DISC1: variants seen among roughly 807,000 people sequenced by gnomAD.
DISC1 encodes the protein disrupted in schizophrenia 1 protein.
DISC1 carries 57 observed loss-of-function variants against 84.5 expected under a neutral mutation model. The ratio of observed to expected loss-of-function variants is 0.67; its 90% CI spans 0.55 to 0.84. The LOEUF (loss-of-function observed/expected upper bound fraction) is 0.84, where lower values mean the gene tolerates loss of function less well. Among genes scored for constraint, DISC1 ranks in the 40% least tolerant of loss-of-function variants. The pLI, the probability that DISC1 is intolerant of heterozygous loss-of-function variation, is 0.00. For synonymous variants in DISC1, 411 were observed against 415.2 expected (o/e 0.99, Z 0.12); for missense variants, 1,000 against 1,057.8 (o/e 0.95, Z 0.76).
chr1:231,872,262 T>G (rs1274180339), intron 9 of DISC1, among the ~76,000 whole-genome samples: 9 of 152,260 alleles, frequency 5.9e-5, no homozygotes, highest in Non-Finnish European at 1.0e-4. Context: ...ATTCTTTGTT[T>G]TTTTAATCTC....
chr1:231,889,892 T>A (rs2087073637), intron 9 of DISC1, among the ~76,000 whole-genome samples: 1 of 152,182 alleles, frequency 6.6e-6, no homozygotes, highest in African/African-American at 2.4e-5. Flanking sequence ...AAAATTACCT[T>A]CACAAAAGCC....
rs76959049 is a variant in DISC1, at chr1:231,823,241, A to G, written c.1981+4724A>G. On this transcript the variant is annotated intron_variant, in intron 9 of 12. Transcript: ENST00000439617. The stretch of plus-strand genomic sequence containing the variant: ...TGTCAGATATATGTAGAAGAAACTG[A>G]TGAAAAAGTAGAACAAAAGAATAAA... 3.3e-5 allele frequency among the ~76,000 whole-genome samples: 5 copies of G among 150,974 alleles called. No homozygotes were observed. In the South Asian group the frequency reaches 8.4e-4, roughly 25 times the overall value.
rs1221454134 is a variant in DISC1 at position 231,880,019 on chromosome 1, TC to T, written c.1981+61506del. Among the ~76,000 whole-genome samples, 4 of 152,160 alleles carry T rather than the reference TC, an allele frequency of 2.6e-5. No individual in the cohort carries two copies. In the East Asian group the frequency reaches 7.7e-4, roughly 29 times the overall value. On this transcript the variant is annotated intron_variant, in intron 9 of 12. Transcript: ENST00000439617. The stretch of plus-strand genomic sequence containing the variant: ...TTCCAAAACTCATGTTGAAATTTAA[TC>T]CCCAATGTGGCAGTATTGAGAGCTG...
intron 3 of DISC1, chr1:231,722,428 G>A (rs900525024): frequency 2.6e-6 from 4 of 1,545,716 alleles, no homozygotes; most frequent in Middle Eastern, 1.7e-4. Flanking sequence ...ATCCACACTC[G>A]AACAAGTGTG....
chr1:231,905,181 C>G (rs1186975469), intron 9 of DISC1, among the ~76,000 whole-genome samples: 2 of 152,232 alleles, frequency 1.3e-5, no homozygotes, highest in Non-Finnish European at 2.9e-5. Context: ...GCTACAAGAG[C>G]ACCATGACAT....
intron 9 of DISC1, among the ~76,000 whole-genome samples, chr1:231,840,706 T>TG (rs1413470776): frequency 9.2e-5 from 14 of 151,716 alleles, no homozygotes; most frequent in African/African-American, 2.9e-4. Context: ...GTTTTTTTTT[T>TG]TTTGTTGTTG....
At chr1:231,907,474 T>C (rs1413063023) in intron 9 of DISC1, among the ~76,000 whole-genome samples, 1 of 152,116 alleles carries the variant, frequency 6.6e-6, no homozygotes, top group Admixed American at 6.6e-5. Context: ...GCTTCATCCA[T>C]TTCCCTACAA....
intron 9 of DISC1, among the ~76,000 whole-genome samples, chr1:231,830,260 A>AT (rs1291089816): frequency 6.6e-6 from 1 of 152,206 alleles, no homozygotes; most frequent in East Asian, 1.9e-4. Flanking sequence ...CTGAAGGAAG[A>AT]TTTTGTGGTA....
intron 10 of DISC1, among the ~76,000 whole-genome samples, chr1:232,004,883 C>CCCTTCCTT (rs1247170763): frequency 2.9e-5 from 3 of 104,526 alleles, no homozygotes; most frequent in African/African-American, 1.2e-4. Context: ...CTCCCTCCCT[C>CCCTTCCTT]CCTTCCTTCC....
At chr1:231,926,109 T>C (rs2090345771) in intron 9 of DISC1, among the ~76,000 whole-genome samples, 1 of 152,240 alleles carries the variant, frequency 6.6e-6, no homozygotes, top group Admixed American at 6.5e-5. Context: ...CTGAAGAGAA[T>C]TAGTTATTCC....
chr1:231,818,304 T>C (rs2125758965), intron 8 of DISC1, 25 bp from the exon 9 acceptor site: 1 of 1,612,266 alleles, frequency 6.2e-7, no homozygotes, highest in Non-Finnish European at 8.5e-7. Context: ...TGTTTTCCCT[T>C]CTTCTCTCCC....
chr1:231,709,521 T>C (rs1417407762), intron 3 of DISC1, among the ~76,000 whole-genome samples: 1 of 152,116 alleles, frequency 6.6e-6, no homozygotes, highest in African/African-American at 2.4e-5. Context: ...TCTCTGGGAA[T>C]GGGACCATGC....
In DISC1 at chr1:231,767,287, C is replaced by T. The variant is rs766953520; in HGVS notation, c.1398+18C>T. 6.2e-7 allele frequency: 1 copy of T among 1,613,930 alleles called. No homozygotes were observed. The highest frequency in any genetic ancestry group is 8.5e-7 in the Non-Finnish European group (1 of 1,180,010). On this transcript the variant is annotated intron_variant, in intron 5 of 12. Transcript: ENST00000439617. ...AGCTACAGGTGAGCAGGTGAAAGAT[C>T]TTCAAGAAATATGATGGCATTTTTC... is the stretch of plus-strand genomic sequence containing the variant.
At chr1:232,003,390 C>A (rs1250134624) in intron 10 of DISC1, among the ~76,000 whole-genome samples, 1 of 152,068 alleles carries the variant, frequency 6.6e-6, no homozygotes, top group Non-Finnish European at 1.5e-5. Context: ...AAAATTGTCA[C>A]ATACAGAAAA....
intron 9 of DISC1, among the ~76,000 whole-genome samples, chr1:231,849,390 G>A (rs945059030): frequency 1.3e-5 from 2 of 152,128 alleles, no homozygotes; most frequent in African/African-American, 4.8e-5. Flanking sequence ...AAAGTGCTGG[G>A]ATTACAGGCG....
At chr1:231,882,807 G>A (rs563981131) in intron 9 of DISC1, among the ~76,000 whole-genome samples, 2 of 152,048 alleles carry the variant, frequency 1.3e-5, no homozygotes, top group African/African-American at 2.4e-5. Context: ...AGGTGTGAAC[G>A]TGGAATGGCC....
chr1:231,802,785 CT>C (rs1228444999), intron 8 of DISC1, among the ~76,000 whole-genome samples: 3 of 152,082 alleles, frequency 2.0e-5, no homozygotes, highest in Non-Finnish European at 4.4e-5. Flanking sequence ...ATTAGGGACT[CT>C]TTTTTATATT....
At chr1:231,795,884 A>C (rs1558559441) in intron 7 of DISC1, among the ~76,000 whole-genome samples, 1 of 152,080 alleles carries the variant, frequency 6.6e-6, no homozygotes, top group Non-Finnish European at 1.5e-5. Context: ...GCGAGACTCT[A>C]TCTCAAAGAA....
chr1:231,685,137 G>C (rs1325339035), intron 1 of DISC1: 6 of 152,254 alleles, frequency 3.9e-5, no homozygotes, highest in African/African-American at 1.4e-4. Context: ...TCGGTTGGTG[G>C]ATTTTGAAAG....
Sources: gnomAD v4.1 joint callset for allele counts (sites outside exome capture counted in the v4.1 genomes callset) on GRCh38, gnomAD v4.1.1 for gene constraint, MANE v1.5 for transcripts, NCBI Gene and HGNC (gene_info 2026-07-23, HGNC 2026-07-21) for gene names.